The following NBAS variants were observed in gnomAD, a reference collection of about 807,000 sequenced individuals.
NBAS encodes the protein NAG/BC035112 fusion.
In NBAS, 219 loss-of-function variants were observed where a neutral mutation model predicts 302.5. The ratio of observed to expected loss-of-function variants is 0.72; its 90% CI spans 0.65 to 0.81. The LOEUF is 0.81. NBAS is among the 30% of genes least tolerant of loss of function. The probability of loss-of-function intolerance (pLI) is 0.00; values close to 1 mark genes in which losing one functional copy is unlikely to be tolerated. For synonymous variants in NBAS, 1,118 were observed against 1,021.6 expected (o/e 1.09, Z -1.80); for missense variants, 2,932 against 2,841.6 (o/e 1.03, Z -0.72).
chr2:15,273,236 A>C (rs1437386313), intron 44 of NBAS, among the ~76,000 whole-genome samples: 1 of 152,220 alleles, frequency 6.6e-6, no homozygotes, highest in Admixed American at 6.5e-5. Context: ...CACAAGTCTC[A>C]GATCTGAGCT....
the NBAS span, among the ~76,000 whole-genome samples, chr2:15,156,483 G>A: frequency 6.6e-6 from 1 of 152,210 alleles, no homozygotes; most frequent in Non-Finnish European, 1.5e-5. Context: ...CCAGATTAAG[G>A]TGCCAGCAGA....
the NBAS span, among the ~76,000 whole-genome samples, chr2:15,034,009 GAAGAAGAAGAAGAAGAA>G: frequency 2.8e-3 from 137 of 49,240 alleles, no homozygotes; most frequent in East Asian, 0.033. Context: ...AGAAGAAGAA[GAAGAAGAAGAAGAAGAA>G]GAGGAGGAGG....
intron 6 of NBAS, among the ~76,000 whole-genome samples, chr2:15,542,292 C>T (rs538853372): frequency 1.0e-5 from 1 of 95,926 alleles, no homozygotes; most frequent in Non-Finnish European, 2.3e-5. Flanking sequence ...AAGAAAAATT[C>T]TTCTGCCTTG....
chr2:15,242,022 T>A (rs1430583807), intron 44 of NBAS, among the ~76,000 whole-genome samples: 2 of 152,232 alleles, frequency 1.3e-5, no homozygotes, highest in Non-Finnish European at 2.9e-5. Flanking sequence ...TGTTTCATTA[T>A]CGAGACACTT....
intron 21 of NBAS, among the ~76,000 whole-genome samples, chr2:15,439,467 C>T (rs1678224722): frequency 6.6e-6 from 1 of 151,768 alleles, no homozygotes; most frequent in African/African-American, 2.4e-5. Context: ...CTTCAGAATA[C>T]TTTCAGGGAT....
chr2:14,879,726 C>T, the NBAS span, among the ~76,000 whole-genome samples: 4 of 152,236 alleles, frequency 2.6e-5, no homozygotes, highest in South Asian at 8.3e-4. Flanking sequence ...ATGCTACAAA[C>T]TTTAGTATTT....
the NBAS span, among the ~76,000 whole-genome samples, chr2:14,833,176 C>T: frequency 6.6e-6 from 1 of 152,142 alleles, no homozygotes; most frequent in Non-Finnish European, 1.5e-5. Context: ...CACATTAATT[C>T]TCTAGCCTCT....
chr2:15,156,152 A>G, the NBAS span, among the ~76,000 whole-genome samples: 22 of 152,236 alleles, frequency 1.4e-4, no homozygotes, highest in South Asian at 4.4e-3. Flanking sequence ...AGGTAAGAGA[A>G]GGCTGTTCTC....
intron 21 of NBAS, 147 bp downstream of exon 21, chr2:15,461,054 C>A: frequency 1.3e-6 from 1 of 759,914 alleles, no homozygotes; most frequent in South Asian, 2.1e-5. Context: ...GGCTTCAGGA[C>A]CATTTACAAT....
chr2:15,034,037 A>AAGCAGAAGAAGAAGAAGAAGG, the NBAS span, among the ~76,000 whole-genome samples: 1 of 42,024 alleles, frequency 2.4e-5, no homozygotes, highest in Admixed American at 3.2e-4. Context: ...GAGGAGGAGG[A>AAGCAGAAGAAGAAGAAGAAGG]AGGAGGAGGA....
chr2:15,099,032 G>A, the NBAS span, among the ~76,000 whole-genome samples: 1 of 151,844 alleles, frequency 6.6e-6, no homozygotes, highest in South Asian at 2.1e-4. Context: ...TTAGGTCGGG[G>A]ACCATGGCTC....
the NBAS span, among the ~76,000 whole-genome samples, chr2:14,971,481 C>T: frequency 6.6e-6 from 1 of 152,162 alleles, no homozygotes; most frequent in African/African-American, 2.4e-5. Flanking sequence ...CGCCACTGCA[C>T]TCCAGCCTGG....
downstream of NBAS, among the ~76,000 whole-genome samples, chr2:15,164,402 G>C (rs1663966676): frequency 6.6e-6 from 1 of 152,210 alleles, no homozygotes; most frequent in Admixed American, 6.5e-5. Flanking sequence ...TACCAGCTTT[G>C]TGACATTGAG....
intron 40 of NBAS, among the ~76,000 whole-genome samples, chr2:15,301,917 G>A (rs741570): frequency 0.55 from 83,545 of 152,086 alleles, 24,578 homozygotes; most frequent in East Asian, 0.85. Flanking sequence ...GATGTGCAGA[G>A]CATGCTGGGG....
At chr2:15,269,219 G>A (rs564164557) in intron 44 of NBAS, among the ~76,000 whole-genome samples, 1 of 152,162 alleles carries the variant, frequency 6.6e-6, no homozygotes, top group Non-Finnish European at 1.5e-5. Flanking sequence ...GAGTGACCAC[G>A]GGCAGGGATA....
At chr2:15,544,722 A>G (rs1188233071) in intron 6 of NBAS, among the ~76,000 whole-genome samples, 2 of 152,222 alleles carry the variant, frequency 1.3e-5, no homozygotes, top group African/African-American at 4.8e-5. Context: ...ATCTTTAAAG[A>G]GCTGAAAGAG....
chr2:14,988,448 T>C, the NBAS span, among the ~76,000 whole-genome samples: 1 of 152,218 alleles, frequency 6.6e-6, no homozygotes, highest in Non-Finnish European at 1.5e-5. Flanking sequence ...CTTTTCAAAA[T>C]GGTTTAATGA....
At chr2:14,860,157 C>G in the NBAS span, among the ~76,000 whole-genome samples, 1 of 151,932 alleles carries the variant, frequency 6.6e-6, no homozygotes. Context: ...ATATCTCACC[C>G]CAGTTAAAAT....
chr2:14,785,324 C>T, the NBAS span, among the ~76,000 whole-genome samples: 2 of 152,102 alleles, frequency 1.3e-5, no homozygotes. Context: ...CTTCTCCTGC[C>T]TAATTGCCCT....
Sources: allele counts gnomAD v4.1 joint callset (sites outside exome capture counted in the v4.1 genomes callset), GRCh38; gene constraint gnomAD v4.1.1; transcripts MANE v1.5; gene names NCBI Gene and HGNC (gene_info 2026-07-23, HGNC 2026-07-21).